TBP: variants seen among roughly 807,000 people sequenced by gnomAD.
The protein encoded by TBP is TATA-box-binding protein.
TBP carries 12 observed loss-of-function variants against 46.2 expected under a neutral mutation model. That is an observed-to-expected ratio of 0.26 (90% confidence interval 0.17 to 0.42). The LOEUF is 0.42. TBP is among the 10% of genes least tolerant of loss of function. TBP has a pLI of 1.00. For missense variants in TBP, 229 were observed against 403.1 expected, an observed-to-expected ratio of 0.57 and a Z score of 3.70; for synonymous variants, 157 against 148.3, an observed-to-expected ratio of 1.06 and a Z score of -0.42.
chr6:170,572,484 G>A lies in TBP; in HGVS notation c.*219G>A, dbSNP rs562940300. ...ACACCGCGCAGCGTGACTGTGAGTT[G>A]CTCATACCGTGCTGCTATCTGGGCA... On this transcript the variant is annotated 3_prime_UTR_variant, in exon 8 of 8. Coordinates refer to ENST00000392092, the MANE Select transcript of TBP (RefSeq NM_003194.5). The A allele has an allele frequency of 4.5e-5, 26 of 575,138 alleles. No individual in the cohort carries two copies. The highest frequency in any genetic ancestry group is 4.5e-4 in the African/African-American group (24 of 53,350). The allele number at this position is 575,138 out of a possible 1,614,324, so 35.6% of individuals were successfully genotyped here. A position where few individuals can be genotyped will look rare whatever the true frequency, so the allele number is the denominator to read the frequency against.
intron 5 of TBP, among the ~76,000 whole-genome samples, chr6:170,568,553 C>G (rs970947813): frequency 3.3e-5 from 5 of 151,960 alleles, no homozygotes; most frequent in Non-Finnish European, 5.9e-5. Flanking sequence ...CTCCTGGGTT[C>G]ACGCCATTCT....
chr6:170,555,666 A>G (rs991819128), intron 1 of TBP, among the ~76,000 whole-genome samples: 4 of 152,148 alleles, frequency 2.6e-5, no homozygotes, highest in African/African-American at 4.8e-5. Flanking sequence ...CTGTTAGTCT[A>G]TATTGTCTTC....
At chr6:170,570,694 A>C (rs1463936192) in intron 6 of TBP, among the ~76,000 whole-genome samples, 1 of 152,132 alleles carries the variant, frequency 6.6e-6, no homozygotes, top group Non-Finnish European at 1.5e-5. Context: ...TTAGCTGGAC[A>C]TGGTGGTGCA....
At chr6:170,571,768 T>G (rs1360044801) in intron 7 of TBP, among the ~76,000 whole-genome samples, 1 of 152,084 alleles carries the variant, frequency 6.6e-6, no homozygotes, top group Non-Finnish European at 1.5e-5. Context: ...TCACTTGGAA[T>G]TAGTTATCTG....
chr6:170,564,438 AG>A (rs1254243319), intron 3 of TBP, 106 bp from the exon 4 acceptor site: 1 of 708,354 alleles, frequency 1.4e-6, no homozygotes, highest in African/African-American at 1.8e-5. Context: ...ATTAAAAAAA[AG>A]TAAAGCCTGG....
chr6:170,565,493 G>C (rs948158232), intron 4 of TBP, among the ~76,000 whole-genome samples: 1 of 152,194 alleles, frequency 6.6e-6, no homozygotes, highest in Admixed American at 6.5e-5. Context: ...AGATCTGAAA[G>C]ACAGCTAAGG....
At chr6:170,561,668 A>G in intron 2 of TBP, 123 bp from the exon 3 acceptor site, 1 of 1,498,846 alleles carries the variant, frequency 6.7e-7, no homozygotes, top group Non-Finnish European at 8.9e-7. Context: ...ATTAATGTTT[A>G]ATAACCCCAT....
chr6:170,569,191 C>T (rs1300700733), intron 5 of TBP, among the ~76,000 whole-genome samples: 3 of 152,180 alleles, frequency 2.0e-5, no homozygotes, highest in Admixed American at 2.0e-4. Flanking sequence ...AATGTCTATT[C>T]ATGATGAGTC....
At chr6:170,560,075 G>A (rs955438630) in intron 2 of TBP, among the ~76,000 whole-genome samples, 1 of 152,220 alleles carries the variant, frequency 6.6e-6, no homozygotes, top group Non-Finnish European at 1.5e-5. Flanking sequence ...CACTGACAGT[G>A]TAACTAGTTG....
chr6:170,569,717 CTGTGA>C lies in TBP; in HGVS notation c.789_793del (p.Asp263GlufsTer17). ...TCAAGATTCAGAATATGGTGGGGAG[CTGTGA>C]TGTGAAGTTTCCTATAAGGTTAGAA... On this transcript the variant is annotated frameshift_variant, in exon 6 of 8. Transcript: ENST00000392092. LOFTEE classifies it high-confidence loss of function. The C allele has an allele frequency of 6.2e-7, 1 of 1,614,070 alleles. No individual in the cohort carries two copies. Among genetic ancestry groups the C allele is most frequent in the Non-Finnish European group, 8.5e-7 (1 of 1,179,972 alleles).
At chr6:170,566,522 T>G (rs935967395) in intron 4 of TBP, among the ~76,000 whole-genome samples, 2 of 148,404 alleles carry the variant, frequency 1.3e-5, no homozygotes, top group African/African-American at 5.1e-5. Flanking sequence ...TTTATTTGCC[T>G]CAAAATTCAT....
At position 170,572,447 on chromosome 6, in the gene TBP, T is replaced by G; in HGVS notation, c.*182T>G. 1.6e-6 allele frequency: 1 copy of G among 615,524 alleles called. No homozygotes were observed. The highest frequency in any genetic ancestry group is 2.7e-5 in the East Asian group (1 of 36,538). 38.1% of individuals were successfully genotyped at this position (615,524 alleles called of 1,614,324 possible). A position where few individuals can be genotyped will look rare whatever the true frequency, so the allele number is the denominator to read the frequency against. Reference sequence around the variant, plus strand: ...CGGGATGCCGGGAAGGGGCATTATTTGTGCACTGAGAACACCGCGCAGCGT... The same window carrying G: ...CGGGATGCCGGGAAGGGGCATTATTGGTGCACTGAGAACACCGCGCAGCGT... On this transcript the variant is annotated 3_prime_UTR_variant, in exon 8 of 8. Coordinates refer to ENST00000392092, the MANE Select transcript of TBP (RefSeq NM_003194.5).
intron 1 of TBP, 64 bp from the exon 2 acceptor site, chr6:170,556,818 G>A (rs889424430): frequency 8.6e-6 from 4 of 465,780 alleles, no homozygotes; most frequent in Admixed American, 7.6e-5. Flanking sequence ...CATAGAACTG[G>A]CTTATAGGAC....
intron 3 of TBP, 75 bp from the exon 4 acceptor site, chr6:170,564,470 C>A: frequency 2.0e-6 from 2 of 1,004,290 alleles, no homozygotes; most frequent in Non-Finnish European, 3.0e-6. Flanking sequence ...CAGATGTCTG[C>A]ATAATTTCTA....
intron 4 of TBP, 52 bp downstream of exon 4, chr6:170,564,684 C>A (rs780988715): frequency 8.0e-7 from 1 of 1,244,694 alleles, no homozygotes; most frequent in Non-Finnish European, 1.1e-6. Context: ...GTCTCCTCTG[C>A]CGTGTCTCTA....
intron 2 of TBP, among the ~76,000 whole-genome samples, chr6:170,560,036 G>GA (rs1414651375): frequency 2.0e-5 from 3 of 152,164 alleles, no homozygotes; most frequent in African/African-American, 7.2e-5. Context: ...GATCTGCTCA[G>GA]AAAAAAAGTT....
In TBP at chr6:170,569,706, A is replaced by G. The variant is rs775603111; in HGVS notation, c.772A>G (p.Met258Val). The G allele has an allele frequency of 6.2e-7, 1 of 1,614,046 alleles. No homozygotes were observed. The highest frequency in any genetic ancestry group is 1.1e-5 in the South Asian group (1 of 91,084). The change falls in exon 6 of 8, where the codon ATG becomes GTG. Residue 258 changes from methionine to valine, a missense_variant. Coordinates refer to ENST00000392092, the MANE Select transcript of TBP (RefSeq NM_003194.5). ...AKFLDFKIQN[M>V]VGSCDVKFPI... ...GTTCTTGGACTTCAAGATTCAGAAT[A>G]TGGTGGGGAGCTGTGATGTGAAGTT...
chr6:170,568,782 TTC>T (rs1779314789), intron 5 of TBP, among the ~76,000 whole-genome samples: 2 of 149,314 alleles, frequency 1.3e-5, no homozygotes, highest in Non-Finnish European at 3.0e-5. Context: ...CTTTTATTTT[TTC>T]TTTTTTTCTC....
chr6:170,561,742 A>C (rs1583127265), intron 2 of TBP, 49 bp from the exon 3 acceptor site: 1 of 1,577,300 alleles, frequency 6.3e-7, no homozygotes, highest in South Asian at 1.2e-5. Context: ...AGTTCCACAA[A>C]CACTTAGCAG....
Sources: allele counts gnomAD v4.1 joint callset (sites outside exome capture counted in the v4.1 genomes callset), GRCh38; gene constraint gnomAD v4.1.1; transcripts MANE v1.5; gene names NCBI Gene and HGNC (gene_info 2026-07-23, HGNC 2026-07-21).